The following FAM184A variants were observed in gnomAD, a reference collection of about 807,000 sequenced individuals.
The protein encoded by FAM184A is protein FAM184A.
Under a neutral mutation model 143.8 loss-of-function variants are expected in FAM184A, and 99 were observed. That is an observed-to-expected ratio of 0.69 (90% CI 0.58 to 0.81). The LOEUF is 0.81. Among genes scored for constraint, FAM184A ranks in the 40% least tolerant of loss-of-function variants. The pLI is 0.00. For missense variants in FAM184A, 1,217 were observed against 1,310.5 expected, an observed-to-expected ratio of 0.93 and a Z score of 1.10; for synonymous variants, 427 against 446.4, an observed-to-expected ratio of 0.96 and a Z score of 0.55.
chr6:118,961,471 C>G (rs994204359), intron 17 of FAM184A, among the ~76,000 whole-genome samples: 24 of 151,410 alleles, frequency 1.6e-4, no homozygotes, highest in Admixed American at 7.2e-4. Context: ...AAATTGGTGA[C>G]AATACTAAAA....
Position 119,078,411 on chromosome 6 carries a change from C to G in FAM184A, c.-112G>C, listed in dbSNP as rs1787957467. 1 of 1,123,620 alleles carries G rather than the reference C, an allele frequency of 8.9e-7. No individual in the cohort carries two copies. The highest frequency in any genetic ancestry group is 1.2e-6 in the Non-Finnish European group (1 of 848,396). The allele number at this position is 1,123,620 out of a possible 1,614,324, so 69.6% of individuals were successfully genotyped here. On this transcript the variant is annotated 5_prime_UTR_variant, in exon 1 of 18. Coordinates refer to ENST00000338891, the MANE Select transcript of FAM184A (RefSeq NM_024581.6). This position sits in a 1 kb window ranked among gnomAD's most constrained non-coding sequence, Gnocchi z 5.5. Reference sequence around the variant, plus strand: ...GGCGGCCGCTTCCCGACCCGACACCCGGCGCCCCCCAGACTCGGCCGCAGG... The same window carrying G: ...GGCGGCCGCTTCCCGACCCGACACCGGGCGCCCCCCAGACTCGGCCGCAGG...
At chr6:118,994,668 A>G (rs1784485674) in intron 9 of FAM184A, among the ~76,000 whole-genome samples, 2 of 149,788 alleles carry the variant, frequency 1.3e-5, no homozygotes, top group Non-Finnish European at 3.0e-5. Context: ...CCTGGGCAAC[A>G]GAGCGAGACT....
chr6:119,101,906 A>C (rs1788646805), intron 1 of FAM184A, among the ~76,000 whole-genome samples: 1 of 152,092 alleles, frequency 6.6e-6, no homozygotes, highest in Admixed American at 6.5e-5. Flanking sequence ...AAATACAAAA[A>C]TTAGCTGGGC....
At chr6:119,047,477 C>T (rs1259223302) in intron 1 of FAM184A, among the ~76,000 whole-genome samples, 1 of 152,106 alleles carries the variant, frequency 6.6e-6, no homozygotes, top group Non-Finnish European at 1.5e-5. Context: ...TTGGAAGTAA[C>T]CTACGTGTCC....
chr6:119,138,977 T>TA (rs1362807742), intron 1 of FAM184A, among the ~76,000 whole-genome samples: 1 of 152,114 alleles, frequency 6.6e-6, no homozygotes, highest in Admixed American at 6.6e-5. Context: ...CGGAATAATC[T>TA]AAAAAACCTC....
At chr6:118,994,548 T>C (rs1784480573) in intron 9 of FAM184A, among the ~76,000 whole-genome samples, 1 of 151,904 alleles carries the variant, frequency 6.6e-6, no homozygotes, top group Admixed American at 6.6e-5. Flanking sequence ...CAGCTGGGCA[T>C]GGTTGCGCGC....
intron 1 of FAM184A, among the ~76,000 whole-genome samples, chr6:119,077,764 G>A (rs1787924427): frequency 6.6e-6 from 1 of 152,178 alleles, no homozygotes; most frequent in African/African-American, 2.4e-5. Flanking sequence ...AGGTAAATAC[G>A]GTACTGTACT....
At chr6:119,110,023 G>A (rs1415952925) in intron 1 of FAM184A, among the ~76,000 whole-genome samples, 1 of 152,086 alleles carries the variant, frequency 6.6e-6, no homozygotes, top group Non-Finnish European at 1.5e-5. Flanking sequence ...TCTCACCTGG[G>A]GGTTGGGCGC....
chr6:119,078,256 C>A lies in FAM184A; in HGVS notation c.44G>T (p.Gly15Val). The change falls in exon 1 of 18, where the codon GGC becomes GTC. Residue 15 changes from glycine to valine, a missense_variant. Gly to Val is a moderately radical substitution (Grantham distance 109, BLOSUM62 -3). Transcript: ENST00000338891. This position sits in a 1 kb window ranked among gnomAD's most constrained non-coding sequence, Gnocchi z 5.5. ...CGAGGGCGCGAATTTGGCCGCCGAG[C>A]CGCCGTAATAGTGCTGCTGCCAGCT... ...GMSWQQHYYG[G>V]SAAKFAPSPA... The A allele has an allele frequency of 6.5e-7, 1 of 1,536,848 alleles. No individual in the cohort carries two copies. Among genetic ancestry groups the A allele is most frequent in the African/African-American group, 1.4e-5 (1 of 72,604 alleles).
chr6:118,976,663 CAA>C (rs79157029), intron 11 of FAM184A, among the ~76,000 whole-genome samples: 11 of 120,652 alleles, frequency 9.1e-5, no homozygotes, highest in Non-Finnish European at 8.7e-5. Flanking sequence ...GACTCCATCT[CAA>C]AAAAAAAAAA....
rs540319609 is a variant in FAM184A, at chr6:119,051,295, A to G, written c.160-26482T>C. The stretch of plus-strand genomic sequence containing the variant: ...TAAACCAGGCACACAAAGACAAAAC[A>G]CTACGTGTTCTCACTTATTTGTGGG... On this transcript the variant is annotated intron_variant, in intron 1 of 17. Coordinates refer to ENST00000338891, the MANE Select transcript of FAM184A (RefSeq NM_024581.6). 3.3e-5 allele frequency among the ~76,000 whole-genome samples: 5 copies of G among 152,342 alleles called. No individual in the cohort carries two copies. The South Asian group carries it at 6.2e-4, about 19-fold the overall frequency.
intron 1 of FAM184A, among the ~76,000 whole-genome samples, chr6:119,118,269 T>A (rs1315319796): frequency 6.6e-6 from 1 of 152,242 alleles, no homozygotes; most frequent in Non-Finnish European, 1.5e-5. Context: ...TTTCTTCCTA[T>A]GTAAAATGTG....
chr6:119,014,219 A>G (rs1314508976), intron 5 of FAM184A, among the ~76,000 whole-genome samples: 1 of 152,280 alleles, frequency 6.6e-6, no homozygotes, highest in Non-Finnish European at 1.5e-5. Context: ...AGAAGTACTA[A>G]TAACTAATTT....
At chr6:118,975,330 A>AG in intron 12 of FAM184A, 122 bp from the exon 13 acceptor site, 2 of 701,456 alleles carry the variant, frequency 2.9e-6, no homozygotes, top group Non-Finnish European at 4.6e-6. Context: ...TGCTTCTTCA[A>AG]AAGCAAACTG....
chr6:119,142,391 G>A (rs1253918623), intron 1 of FAM184A, among the ~76,000 whole-genome samples: 1 of 152,082 alleles, frequency 6.6e-6, no homozygotes, highest in African/African-American at 2.4e-5. Flanking sequence ...GAGACCAAAG[G>A]CCACAACAAT....
chr6:118,988,825 A>T (rs906050156), intron 9 of FAM184A, among the ~76,000 whole-genome samples: 1 of 152,056 alleles, frequency 6.6e-6, no homozygotes, highest in African/African-American at 2.4e-5. Context: ...TATGGGGGAA[A>T]ATGAAAATGT....
intron 1 of FAM184A, among the ~76,000 whole-genome samples, chr6:119,027,859 A>G (rs1785715580): frequency 6.6e-6 from 1 of 152,212 alleles, no homozygotes; most frequent in Non-Finnish European, 1.5e-5. Context: ...TGAGGAACTT[A>G]GAGAAAGTCA....
chr6:119,109,166 T>G (rs995374611), intron 1 of FAM184A, among the ~76,000 whole-genome samples: 10 of 152,202 alleles, frequency 6.6e-5, no homozygotes, highest in Non-Finnish European at 1.2e-4. Flanking sequence ...TTGAACCATA[T>G]AATTTAGCCA....
At chr6:118,970,008 A>ATATATTTTTTTTTTTTTTTTT in intron 14 of FAM184A, among the ~76,000 whole-genome samples, 1 of 19,044 alleles carries the variant, frequency 5.3e-5, no homozygotes, top group Non-Finnish European at 1.1e-4. Context: ...ATATATATAT[A>ATATATTTTTTTTTTTTTTTTT]TTTTTTTTTT....
Sources: gnomAD v4.1 joint callset for allele counts (sites outside exome capture counted in the v4.1 genomes callset) on GRCh38, gnomAD v4.1.1 for gene constraint, Gnocchi (gnomAD v3.1) non-coding constraint, MANE v1.5 for transcripts, NCBI Gene and HGNC (gene_info 2026-07-23, HGNC 2026-07-21) for gene names.